LEPR: variants seen among roughly 807,000 people sequenced by gnomAD.
LEPR encodes the protein OB receptor.
Under a neutral mutation model 114.7 loss-of-function variants are expected in LEPR, and 56 were observed. The observed-to-expected ratio is 0.49, with a 90% CI of 0.39 to 0.61. The LOEUF (loss-of-function observed/expected upper bound fraction) is 0.61, where lower values mean the gene tolerates loss of function less well. Among genes scored for constraint, LEPR ranks in the 20% least tolerant of loss-of-function variants. The pLI is 0.00. For synonymous variants in LEPR, 443 were observed against 461.4 expected (o/e 0.96, Z 0.51); for missense variants, 1,202 against 1,352.9 (o/e 0.89, Z 1.75).
intron 2 of LEPR, among the ~76,000 whole-genome samples, chr1:65,490,383 G>A (rs1647800846): frequency 6.6e-6 from 1 of 152,044 alleles, no homozygotes; most frequent in African/African-American, 2.4e-5. Flanking sequence ...GACAGTGGTA[G>A]CACAGTTTAT....
chr1:65,466,272 C>T (rs1647010906), intron 2 of LEPR, among the ~76,000 whole-genome samples: 1 of 152,100 alleles, frequency 6.6e-6, no homozygotes, highest in African/African-American at 2.4e-5. Context: ...TTTATTTCTC[C>T]TTCACTTAGG....
intron 2 of LEPR, among the ~76,000 whole-genome samples, chr1:65,554,128 A>G (rs1275811120): frequency 1.3e-5 from 2 of 152,124 alleles, no homozygotes; most frequent in African/African-American, 4.8e-5. Context: ...GCTCTCCTGT[A>G]TGAGGTGTCT....
At chr1:65,481,350 G>A (rs985231963) in intron 2 of LEPR, among the ~76,000 whole-genome samples, 6 of 151,904 alleles carry the variant, frequency 3.9e-5, no homozygotes, top group Admixed American at 3.3e-4. Context: ...AGTGGGTTTC[G>A]GGGAAAAAAA....
intron 3 of LEPR, among the ~76,000 whole-genome samples, chr1:65,568,523 T>TGC (rs1653930773): frequency 6.6e-6 from 1 of 151,914 alleles, no homozygotes; most frequent in Admixed American, 6.6e-5. Flanking sequence ...TGTGTGTGTG[T>TGC]GTGCATGTGC....
At chr1:65,457,547 T>G (rs1268716069) in intron 2 of LEPR, among the ~76,000 whole-genome samples, 1 of 152,194 alleles carries the variant, frequency 6.6e-6, no homozygotes, top group African/African-American at 2.4e-5. Context: ...TATAGATGTA[T>G]GGGGTACAGG....
Position 65,524,468 on chromosome 1 carries a change from G to A in LEPR, c.-20-41078G>A, listed in dbSNP as rs571793225. On this transcript the variant is annotated intron_variant, in intron 2 of 19. Coordinates refer to ENST00000349533, the MANE Select transcript of LEPR (RefSeq NM_002303.6). ...AGTGCTATTCAAAAAAGTGACACTC[G>A]TTCTGAGAGGCGATTCCTATGAAGG... is the stretch of plus-strand genomic sequence containing the variant. Among the ~76,000 whole-genome samples, 7 of 152,296 alleles carry A rather than the reference G, an allele frequency of 4.6e-5. No homozygotes were observed. The South Asian group carries it at 6.2e-4, about 14-fold the overall frequency.
chr1:65,482,149 G>C (rs1190867507), intron 2 of LEPR, among the ~76,000 whole-genome samples: 2 of 116,728 alleles, frequency 1.7e-5, no homozygotes, highest in African/African-American at 6.3e-5. Context: ...CACACACCAG[G>C]GAATGAGCTG....
rs1184081439 is a variant in LEPR, at chr1:65,503,284, G to A, written c.-20-62262G>A. Reference sequence around the variant, plus strand: ...AACCCATAGAACTTTACAGTACAGAGTGAAACTTAATGTATGAAAATTGTA... The same window carrying A: ...AACCCATAGAACTTTACAGTACAGAATGAAACTTAATGTATGAAAATTGTA... On this transcript the variant is annotated intron_variant, in intron 2 of 19. Transcript: ENST00000349533. 2.0e-5 allele frequency among the ~76,000 whole-genome samples: 3 copies of A among 152,108 alleles called. No homozygotes were observed. In the East Asian group the frequency reaches 5.8e-4, roughly 29 times the overall value.
At chr1:65,553,879 A>AT (rs1557659171) in intron 2 of LEPR, among the ~76,000 whole-genome samples, 1 of 152,064 alleles carries the variant, frequency 6.6e-6, no homozygotes, top group Admixed American at 6.5e-5. Flanking sequence ...TGACCTTTGA[A>AT]TGGCGTTTTT....
At chr1:65,609,114 G>A (rs545669043) in intron 12 of LEPR, among the ~76,000 whole-genome samples, 9 of 152,284 alleles carry the variant, frequency 5.9e-5, no homozygotes, top group Non-Finnish European at 1.2e-4. Context: ...TTTATAGAAC[G>A]TTGGTTGCAT....
intron 2 of LEPR, among the ~76,000 whole-genome samples, chr1:65,488,740 A>T (rs1272021818): frequency 6.6e-6 from 1 of 151,290 alleles, no homozygotes; most frequent in East Asian, 1.9e-4. Flanking sequence ...CCTATTACTC[A>T]TTTCCCCACC....
At chr1:65,445,822 T>C (rs1474304512) in intron 2 of LEPR, among the ~76,000 whole-genome samples, 1 of 151,862 alleles carries the variant, frequency 6.6e-6, no homozygotes, top group Non-Finnish European at 1.5e-5. Context: ...TGTTGTAAAT[T>C]AACCTGCTAA....
At chr1:65,459,388 C>T (rs1460605868) in intron 2 of LEPR, among the ~76,000 whole-genome samples, 1 of 152,148 alleles carries the variant, frequency 6.6e-6, no homozygotes, top group Non-Finnish European at 1.5e-5. Flanking sequence ...TTGGAAGCTG[C>T]CCTATGGTAT....
Position 65,605,192 on chromosome 1 carries a change from G to A in LEPR, c.1558G>A (p.Gly520Ser), listed in dbSNP as rs1656731434. ...TMWIRINHSL[G>S]SLDSPPTCVL... ...GTGGATTAGGATCAATCACTCTCTAGGTTCACTTGACTCTCCACCAACATG... is the reference window on the plus strand; with the variant it reads ...GTGGATTAGGATCAATCACTCTCTAAGTTCACTTGACTCTCCACCAACATG... The change falls in exon 11 of 20, where the codon GGT becomes AGT. Residue 520 changes from glycine to serine, a missense_variant. By Grantham distance (56) the Gly-to-Ser change is moderately conservative (BLOSUM62 0). Transcript: ENST00000349533. 2 of 1,613,956 alleles carry A rather than the reference G, an allele frequency of 1.2e-6. No individual in the cohort carries two copies. Among genetic ancestry groups the A allele is most frequent in the African/African-American group, 2.7e-5 (2 of 74,906 alleles).
At chr1:65,456,647 T>C (rs965569631) in intron 2 of LEPR, among the ~76,000 whole-genome samples, 2 of 152,218 alleles carry the variant, frequency 1.3e-5, no homozygotes, top group African/African-American at 4.8e-5. Context: ...TTCTTTTGAT[T>C]AGTGTTAGTA....
intron 2 of LEPR, chr1:65,434,844 A>G (rs781068379): frequency 8.1e-6 from 8 of 985,236 alleles, no homozygotes; most frequent in Admixed American, 6.2e-5. Context: ...TTCTCCTCCC[A>G]TTAGTCAGTT....
chr1:65,550,618 A>G (rs1751480), intron 2 of LEPR, among the ~76,000 whole-genome samples: 101,590 of 152,054 alleles, frequency 0.67, 35,250 homozygotes, highest in African/African-American at 0.78. Flanking sequence ...GACCCTCCGA[A>G]CCAAGTGCGG....
intron 3 of LEPR, among the ~76,000 whole-genome samples, chr1:65,568,232 C>T (rs1417215262): frequency 6.6e-6 from 1 of 152,032 alleles, no homozygotes; most frequent in African/African-American, 2.4e-5. Context: ...ATGTTTCCTC[C>T]ATGTCTTTTT....
chr1:65,632,304 T>C (rs1658554587), intron 19 of LEPR, among the ~76,000 whole-genome samples: 1 of 152,146 alleles, frequency 6.6e-6, no homozygotes, highest in African/African-American at 2.4e-5. Context: ...TGCCCAGAAA[T>C]GCACATTACT....
Sources: gnomAD v4.1 joint callset for allele counts (sites outside exome capture counted in the v4.1 genomes callset) on GRCh38, gnomAD v4.1.1 for gene constraint, MANE v1.5 for transcripts, NCBI Gene and HGNC (gene_info 2026-07-23, HGNC 2026-07-21) for gene names.